The following CCDC73 variants were observed in gnomAD, a reference collection of about 807,000 sequenced individuals.
CCDC73 encodes the protein coiled-coil domain-containing protein 73.
Under a neutral mutation model 116.5 loss-of-function variants are expected in CCDC73, and 95 were observed. The ratio of observed to expected loss-of-function variants is 0.82; its 90% CI spans 0.69 to 0.97. CCDC73 has a LOEUF of 0.97. Ranked by LOEUF, CCDC73 falls within the 50% of genes least tolerant of loss-of-function variation. CCDC73 has a pLI of 0.00. For missense variants in CCDC73, 1,066 were observed against 1,206.8 expected, an observed-to-expected ratio of 0.88 and a Z score of 1.73; for synonymous variants, 398 against 401.3, an observed-to-expected ratio of 0.99 and a Z score of 0.10.
chr11:32,776,986 C>CATATAT (rs1232030218), intron 1 of CCDC73, among the ~76,000 whole-genome samples: 100 of 95,652 alleles, frequency 1.0e-3, no homozygotes, highest in Middle Eastern at 6.3e-3. Flanking sequence ...TATATATACA[C>CATATAT]ATGTATATAT....
In CCDC73 at chr11:32,743,290, T is replaced by C. The variant is rs138406877; in HGVS notation, c.135+16819A>G. ...TATTGATTCTTCCTATCCATGAGCATGTAAAAGAATAGAAATCACAACAAA... is the reference window on the plus strand; with the variant it reads ...TATTGATTCTTCCTATCCATGAGCACGTAAAAGAATAGAAATCACAACAAA... On this transcript the variant is annotated intron_variant, in intron 2 of 17. Coordinates refer to ENST00000335185, the MANE Select transcript of CCDC73 (RefSeq NM_001008391.4). Among the ~76,000 whole-genome samples the C allele has an allele frequency of 7.3e-3, 1,105 of 152,290 alleles. 17 individuals carry two copies. Among genetic ancestry groups the C allele is most frequent in the African/African-American group, 0.026 (1,062 of 41,560 alleles).
intron 1 of CCDC73, among the ~76,000 whole-genome samples, chr11:32,781,834 T>C (rs1850587153): frequency 6.6e-6 from 1 of 152,186 alleles, no homozygotes; most frequent in African/African-American, 2.4e-5. Flanking sequence ...GTGTGTTTTC[T>C]AAGGCAGAAG....
chr11:32,741,283 C>A (rs1850181228), intron 2 of CCDC73, among the ~76,000 whole-genome samples: 1 of 151,876 alleles, frequency 6.6e-6, no homozygotes. Context: ...AAGTCTCCAA[C>A]TATTATTGTA....
rs1028443283 is a variant in CCDC73 at position 32,746,498 on chromosome 11, C to T, written c.135+13611G>A. ...GCCTTGCTAGGTTGGGGAAGTTCTC[C>T]AGGATAATATCCTGAAGAGTGTTTT... On this transcript the variant is annotated intron_variant, in intron 2 of 17. Coordinates refer to ENST00000335185, the MANE Select transcript of CCDC73 (RefSeq NM_001008391.4). Among the ~76,000 whole-genome samples the T allele has an allele frequency of 3.9e-5, 6 of 152,258 alleles. No homozygotes were observed. The East Asian group carries it at 7.7e-4, about 20-fold the overall frequency.
At chr11:32,638,093 T>A (rs1314996844) in intron 13 of CCDC73, among the ~76,000 whole-genome samples, 1 of 152,190 alleles carries the variant, frequency 6.6e-6, no homozygotes, top group Non-Finnish European at 1.5e-5. Flanking sequence ...ATATAAAATG[T>A]CACTAACCAT....
At chr11:32,795,739 G>C (rs1212230196), upstream of CCDC73, among the ~76,000 whole-genome samples, 1 of 150,578 alleles carries the variant, frequency 6.6e-6, no homozygotes, top group Non-Finnish European at 1.5e-5. Flanking sequence ...CCCCAGGCTG[G>C]AGTGCAATGG....
intron 12 of CCDC73, among the ~76,000 whole-genome samples, chr11:32,646,700 G>T (rs996170681): frequency 6.6e-6 from 1 of 152,076 alleles, no homozygotes; most frequent in Non-Finnish European, 1.5e-5. Flanking sequence ...TTGGTATTGG[G>T]CAAGATAAAC....
At position 32,741,117 on chromosome 11, in the gene CCDC73, T is replaced by C. The variant is rs552070317; in HGVS notation, c.135+18992A>G. ...ATGGTCTAACCTTGAGAATGATCCA[T>C]GTGCTGAGGAGAATAATTTGTATTC... On this transcript the variant is annotated intron_variant, in intron 2 of 17. Coordinates refer to ENST00000335185, the MANE Select transcript of CCDC73 (RefSeq NM_001008391.4). Among the ~76,000 whole-genome samples, 9 of 152,318 alleles carry C rather than the reference T, an allele frequency of 5.9e-5. No homozygotes were observed. In the South Asian group the frequency reaches 1.0e-3, roughly 18 times the overall value.
intron 9 of CCDC73, among the ~76,000 whole-genome samples, chr11:32,670,273 A>G (rs1028311416): frequency 3.3e-5 from 5 of 152,200 alleles, no homozygotes; most frequent in African/African-American, 9.6e-5. Flanking sequence ...CTGTAATCCC[A>G]GCACTTTGGG....
chr11:32,808,606 T>G, the CCDC73 span, among the ~76,000 whole-genome samples: 1 of 150,644 alleles, frequency 6.6e-6, no homozygotes, highest in African/African-American at 2.5e-5. Flanking sequence ...GCCACTGCAC[T>G]CCAGCCTAGG....
chr11:32,804,616 G>T, the CCDC73 span, among the ~76,000 whole-genome samples: 1 of 152,154 alleles, frequency 6.6e-6, no homozygotes, highest in Non-Finnish European at 1.5e-5. Context: ...AATAAGACAA[G>T]TATTTTCCCA....
In CCDC73 at chr11:32,635,844, G is replaced by A. The variant is rs1451616305; in HGVS notation, c.1051-14C>T. The A allele has an allele frequency of 9.0e-6, 10 of 1,115,244 alleles. No homozygotes were observed. The highest frequency in any genetic ancestry group is 1.2e-5 in the Non-Finnish European group (10 of 866,786). The allele number at this position is 1,115,244 out of a possible 1,614,324, so 69.1% of individuals were successfully genotyped here. On this transcript the variant is annotated splice_polypyrimidine_tract_variant and intron_variant, in intron 13 of 17. Coordinates refer to ENST00000335185, the MANE Select transcript of CCDC73 (RefSeq NM_001008391.4). ...AAGTTCTTCAGCCTATTATAAAAAA[G>A]GAACCAGAATAAACAAGTATATCAA...
upstream of CCDC73, among the ~76,000 whole-genome samples, chr11:32,795,972 G>A (rs538641010): frequency 3.9e-5 from 6 of 152,300 alleles, no homozygotes; most frequent in Non-Finnish European, 8.8e-5. Flanking sequence ...TTACAGGCAT[G>A]AGCCACCGCA....
At chr11:32,809,089 G>A in the CCDC73 span, among the ~76,000 whole-genome samples, 1 of 152,142 alleles carries the variant, frequency 6.6e-6, no homozygotes, top group African/African-American at 2.4e-5. Context: ...TTATGATTTT[G>A]CAGCTAAACT....
intron 2 of CCDC73, among the ~76,000 whole-genome samples, chr11:32,730,923 A>AGTGCAGG (rs1455171654): frequency 6.6e-6 from 1 of 152,174 alleles, no homozygotes; most frequent in African/African-American, 2.4e-5. Flanking sequence ...TCGGACAGTA[A>AGTGCAGG]GTGCAGGGCA....
chr11:32,633,678 G>T (rs1050820641), intron 14 of CCDC73, among the ~76,000 whole-genome samples: 6 of 152,208 alleles, frequency 3.9e-5, no homozygotes, highest in Non-Finnish European at 7.3e-5. Flanking sequence ...CAACTTATGT[G>T]AATTGCTGTC....
intron 3 of CCDC73, among the ~76,000 whole-genome samples, chr11:32,709,759 T>G (rs1785030113): frequency 6.6e-6 from 1 of 152,232 alleles, no homozygotes; most frequent in South Asian, 2.1e-4. Flanking sequence ...TCTTTCTCTT[T>G]TGAAATAGTG....
chr11:32,816,358 C>CA, the CCDC73 span, among the ~76,000 whole-genome samples: 2 of 152,094 alleles, frequency 1.3e-5, no homozygotes, highest in Non-Finnish European at 2.9e-5. Flanking sequence ...CAAGTTGTAC[C>CA]AAAATGTATT....
chr11:32,810,761 C>A, the CCDC73 span, among the ~76,000 whole-genome samples: 1 of 152,128 alleles, frequency 6.6e-6, no homozygotes, highest in Non-Finnish European at 1.5e-5. Context: ...TTAACTCCCC[C>A]CTTCTCCATT....
Sources: gnomAD v4.1 joint callset for allele counts (sites outside exome capture counted in the v4.1 genomes callset) on GRCh38, gnomAD v4.1.1 for gene constraint, MANE v1.5 for transcripts, NCBI Gene and HGNC (gene_info 2026-07-23, HGNC 2026-07-21) for gene names.